Variants in UPK1B observed in about 807,000 individuals in gnomAD.
UPK1B encodes the protein uroplakin 1B.
UPK1B carries 28 observed loss-of-function variants against 34.2 expected under a neutral mutation model. The observed-to-expected ratio is 0.82, with a 90% CI of 0.61 to 1.12. UPK1B has a LOEUF of 1.12. Ranked by LOEUF, UPK1B falls within the 50% of genes most tolerant of loss-of-function variation. The probability of loss-of-function intolerance (pLI) is 0.00; values close to 1 mark genes in which losing one functional copy is unlikely to be tolerated. For missense variants in UPK1B, 325 were observed against 320.9 expected, an observed-to-expected ratio of 1.01 and a Z score of -0.10; for synonymous variants, 81 against 110.4, an observed-to-expected ratio of 0.73 and a Z score of 1.67.
chr3:119,184,457 C>T (rs1349168774), intron 1 of UPK1B, among the ~76,000 whole-genome samples: 1 of 151,864 alleles, frequency 6.6e-6, no homozygotes, highest in Non-Finnish European at 1.5e-5. Flanking sequence ...CAGTGGCTCA[C>T]GCCTGTAATC....
chr3:119,188,243 T>C (rs1576869021), intron 3 of UPK1B, among the ~76,000 whole-genome samples: 1 of 152,166 alleles, frequency 6.6e-6, no homozygotes, highest in Non-Finnish European at 1.5e-5. Context: ...ATTGTGCCTC[T>C]ACAGCTGGTG....
intron 1 of UPK1B, 27 bp from the exon 2 acceptor site, chr3:119,186,687 G>A: frequency 1.3e-6 from 2 of 1,566,398 alleles, no homozygotes; most frequent in Non-Finnish European, 8.8e-7. Flanking sequence ...AGAAACTGTA[G>A]CAGTTATTTG....
chr3:119,186,785 T>C lies in UPK1B; in HGVS notation c.44T>C (p.Leu15Pro). The change falls in exon 2 of 8, where the codon CTG becomes CCG. Residue 15 changes from leucine to proline, a missense_variant. Transcript: ENST00000264234. ...ACTGTTCGTTGCTTCCAGGGCCTGCTGATTTTTGGAAATGTGATTATTGGT... is the reference window on the plus strand; with the variant it reads ...ACTGTTCGTTGCTTCCAGGGCCTGCCGATTTTTGGAAATGTGATTATTGGT... ...NSTVRCFQGLLIFGNVIIGCC... is the reference protein window; with the variant it reads ...NSTVRCFQGLPIFGNVIIGCC... 1 of 1,614,202 alleles carries C rather than the reference T, an allele frequency of 6.2e-7. No individual in the cohort carries two copies. The highest frequency in any genetic ancestry group is 8.5e-7 in the Non-Finnish European group (1 of 1,180,014).
intron 1 of UPK1B, among the ~76,000 whole-genome samples, chr3:119,176,938 A>C (rs1479049611): frequency 6.6e-6 from 1 of 152,114 alleles, no homozygotes; most frequent in Non-Finnish European, 1.5e-5. Context: ...AAACCCCCAA[A>C]TCATAAGTTA....
chr3:119,175,661 CT>C (rs2077953702), intron 1 of UPK1B, among the ~76,000 whole-genome samples: 1 of 152,016 alleles, frequency 6.6e-6, no homozygotes, highest in African/African-American at 2.4e-5. Context: ...CAGCTAGTCC[CT>C]GATTTCCAAT....
At chr3:119,187,047 G>GAGTC (rs2078022281) in intron 2 of UPK1B, among the ~76,000 whole-genome samples, 1 of 152,172 alleles carries the variant, frequency 6.6e-6, no homozygotes, top group Non-Finnish European at 1.5e-5. Context: ...TATCTAAAAG[G>GAGTC]AGTCATGTCA....
At chr3:119,192,631 A>T (rs1576870511) in intron 5 of UPK1B, among the ~76,000 whole-genome samples, 1 of 152,264 alleles carries the variant, frequency 6.6e-6, no homozygotes. Context: ...ATTAGACAAG[A>T]ACCACCTCAT....
chr3:119,177,189 T>C (rs1385703142), intron 1 of UPK1B, among the ~76,000 whole-genome samples: 2 of 152,198 alleles, frequency 1.3e-5, no homozygotes, highest in African/African-American at 2.4e-5. Context: ...AGCCTTTGAA[T>C]GAAGGAAAAG....
intron 1 of UPK1B, among the ~76,000 whole-genome samples, chr3:119,186,300 C>A (rs1355726156): frequency 1.3e-5 from 2 of 152,376 alleles, no homozygotes; most frequent in African/African-American, 4.8e-5. Flanking sequence ...TGGGAACCAA[C>A]CACTACCTCT....
At chr3:119,203,070 T>C (rs13077850) in intron 7 of UPK1B, among the ~76,000 whole-genome samples, 42,265 of 151,912 alleles carry the variant, frequency 0.28, 6,056 homozygotes, top group Middle Eastern at 0.39. Flanking sequence ...AGGCCAGGCG[T>C]GGTGGCTCAC....
chr3:119,190,297 C>T lies in UPK1B; in HGVS notation c.323C>T (p.Thr108Ile). The part of the protein sequence containing the change: ...VYAFEVASCI[T>I]AATQQDFFTP... ...GCCTTTGAAGTGGCATCTTGTATCACAGCAGCAACACAACAAGACTTTGTG... is the reference window on the plus strand; with the variant it reads ...GCCTTTGAAGTGGCATCTTGTATCATAGCAGCAACACAACAAGACTTTGTG... The change falls in exon 4 of 8, where the codon ACA (threonine) becomes ATA (isoleucine). Residue 108 changes from threonine (T) to isoleucine (I), a missense_variant. Physicochemically the swap from Thr to Ile is moderately conservative, Grantham distance 89 (BLOSUM62 -1). Transcript: ENST00000264234. The T allele has an allele frequency of 6.2e-7, 1 of 1,612,378 alleles. No homozygotes were observed. Among genetic ancestry groups the T allele is most frequent in the South Asian group, 1.1e-5 (1 of 90,816 alleles).
intron 2 of UPK1B, 45 bp downstream of exon 2, chr3:119,186,855 C>T: frequency 1.3e-6 from 2 of 1,579,254 alleles, no homozygotes; most frequent in Non-Finnish European, 1.7e-6. Context: ...TTCCTGTAAT[C>T]ATAATTCTAG....
intron 1 of UPK1B, among the ~76,000 whole-genome samples, chr3:119,186,106 T>C (rs2078016973): frequency 6.6e-6 from 1 of 152,216 alleles, no homozygotes; most frequent in African/African-American, 2.4e-5. Context: ...GTTATGAGAA[T>C]TAGATGCGTG....
At chr3:119,174,802 C>T (rs1259536356) in intron 1 of UPK1B, among the ~76,000 whole-genome samples, 3 of 151,696 alleles carry the variant, frequency 2.0e-5, no homozygotes, top group African/African-American at 7.3e-5. Context: ...TTAACCTTCT[C>T]AGTGAGGAGA....
chr3:119,192,712 C>T (rs754279287), intron 5 of UPK1B, among the ~76,000 whole-genome samples: 1 of 152,176 alleles, frequency 6.6e-6, no homozygotes, highest in African/African-American at 2.4e-5. Flanking sequence ...GTCACACAGG[C>T]TGTCCTTTGT....
chr3:119,183,154 T>C (rs1249721941), intron 1 of UPK1B, among the ~76,000 whole-genome samples: 1 of 152,200 alleles, frequency 6.6e-6, no homozygotes, highest in Non-Finnish European at 1.5e-5. Flanking sequence ...TTATAAACTG[T>C]AGAGTGTTTA....
intron 3 of UPK1B, among the ~76,000 whole-genome samples, chr3:119,189,388 A>T (rs2078034159): frequency 6.6e-6 from 1 of 152,246 alleles, no homozygotes. Context: ...CACTGACCAC[A>T]GTGCCCCTTC....
intron 1 of UPK1B, among the ~76,000 whole-genome samples, chr3:119,183,132 T>C (rs1269445333): frequency 6.6e-6 from 1 of 152,246 alleles, no homozygotes; most frequent in African/African-American, 2.4e-5. Flanking sequence ...GCATTTGCTA[T>C]GTAGCAAGAC....
In UPK1B at chr3:119,194,793, G is replaced by A. The variant is rs547898163; in HGVS notation, c.648+395G>A. 2.6e-5 allele frequency among the ~76,000 whole-genome samples: 4 copies of A among 152,302 alleles called. 1 individual carries two copies. The South Asian group carries it at 8.3e-4, about 32-fold the overall frequency. On this transcript the variant is annotated intron_variant, in intron 6 of 7. Transcript: ENST00000264234. ...TGCCAATTCCAAAGCAATGACTATT[G>A]CTGAGGATAAATGTAGTAATTACAC...
Sources: allele counts gnomAD v4.1 joint callset (sites outside exome capture counted in the v4.1 genomes callset), GRCh38; gene constraint gnomAD v4.1.1; transcripts MANE v1.5; gene names NCBI Gene and HGNC (gene_info 2026-07-23, HGNC 2026-07-21).